The following CFAP54 variants were observed in gnomAD, a reference collection of about 807,000 sequenced individuals.
CFAP54 encodes the protein cilia and flagella associated protein 54.
CFAP54 carries 290 observed loss-of-function variants against 370.4 expected under a neutral mutation model. The ratio of observed to expected loss-of-function variants is 0.78; its 90% confidence interval spans 0.71 to 0.86. The LOEUF is 0.86. CFAP54 is among the 40% of genes least tolerant of loss of function. The probability of loss-of-function intolerance (pLI) is 0.00; values close to 1 mark genes in which losing one functional copy is unlikely to be tolerated. For missense variants in CFAP54, 3,399 were observed against 3,528.7 expected, an observed-to-expected ratio of 0.96 and a Z score of 0.93; for synonymous variants, 1,206 against 1,236.5, an observed-to-expected ratio of 0.98 and a Z score of 0.52.
Position 96,831,656 on chromosome 12 carries a change from A to G in CFAP54, c.9171+2568A>G, listed in dbSNP as rs944070385. Reference sequence around the variant, plus strand: ...CTGAGGAAGTGACATTTGAAGTAAGACCTGAAATATTATACTGTATTTTTC... The same window carrying G: ...CTGAGGAAGTGACATTTGAAGTAAGGCCTGAAATATTATACTGTATTTTTC... On this transcript the variant is annotated intron_variant, in intron 66 of 67. Coordinates refer to ENST00000524981, the MANE Select transcript of CFAP54 (RefSeq NM_001306084.2). 3.9e-5 allele frequency among the ~76,000 whole-genome samples: 6 copies of G among 152,096 alleles called. No individual in the cohort carries two copies. In the South Asian group the frequency reaches 1.0e-3, roughly 26 times the overall value.
chr12:96,815,084 T>C (rs1055916317), intron 64 of CFAP54, among the ~76,000 whole-genome samples: 22 of 152,332 alleles, frequency 1.4e-4, no homozygotes, highest in South Asian at 4.1e-4. Context: ...ATGGGATTGC[T>C]GGGTCAAATG....
At chr12:96,647,430 G>T (rs978517592) in intron 33 of CFAP54, among the ~76,000 whole-genome samples, 1 of 120,014 alleles carries the variant, frequency 8.3e-6, no homozygotes, top group Non-Finnish European at 1.6e-5. Flanking sequence ...CCGATATCGC[G>T]CCACTGCACT....
At chr12:96,869,086 T>A (rs565200904) in intron 67 of CFAP54, among the ~76,000 whole-genome samples, 1 of 152,356 alleles carries the variant, frequency 6.6e-6, no homozygotes, top group Admixed American at 6.5e-5. Context: ...GATTTGTCAT[T>A]TATTTTATTT....
At chr12:96,568,930 T>A (rs971660400) in intron 19 of CFAP54, among the ~76,000 whole-genome samples, 4 of 151,994 alleles carry the variant, frequency 2.6e-5, no homozygotes, top group Non-Finnish European at 4.4e-5. Context: ...ATTATGGGGA[T>A]TCATTTTTCC....
At chr12:96,772,037 A>G (rs750697257) in intron 60 of CFAP54, among the ~76,000 whole-genome samples, 3 of 152,246 alleles carry the variant, frequency 2.0e-5, no homozygotes, top group Non-Finnish European at 4.4e-5. Flanking sequence ...AGCATTAAAG[A>G]TCAGATTACA....
intron 63 of CFAP54, among the ~76,000 whole-genome samples, chr12:96,794,917 T>A (rs1958743461): frequency 1.3e-5 from 2 of 152,316 alleles, no homozygotes; most frequent in African/African-American, 4.8e-5. Context: ...GAGATTCTTT[T>A]GTCCCATGGG....
intron 43 of CFAP54, among the ~76,000 whole-genome samples, chr12:96,690,483 G>A (rs1282595078): frequency 6.6e-6 from 1 of 152,048 alleles, no homozygotes; most frequent in East Asian, 1.9e-4. Context: ...TGTAATGTTG[G>A]TTACATAAAT....
intron 63 of CFAP54, among the ~76,000 whole-genome samples, chr12:96,806,213 T>TAATATATATAA: frequency 2.0e-5 from 1 of 49,698 alleles, no homozygotes; most frequent in South Asian, 1.0e-3. Context: ...TATATATATA[T>TAATATATATAA]AATAACAACA....
intron 8 of CFAP54, among the ~76,000 whole-genome samples, chr12:96,522,873 T>C (rs1332619878): frequency 6.6e-6 from 1 of 152,132 alleles, no homozygotes; most frequent in African/African-American, 2.4e-5. Flanking sequence ...TCTGTTCTTC[T>C]CACATGTCAT....
chr12:96,696,449 C>T (rs1957440835), intron 45 of CFAP54, among the ~76,000 whole-genome samples: 1 of 151,738 alleles, frequency 6.6e-6, no homozygotes, highest in Non-Finnish European at 1.5e-5. Flanking sequence ...TAGAGGGGCA[C>T]CAAAGGACAT....
chr12:96,578,594 T>C (rs1009118930), intron 20 of CFAP54, among the ~76,000 whole-genome samples: 3 of 152,212 alleles, frequency 2.0e-5, no homozygotes, highest in African/African-American at 7.2e-5. Flanking sequence ...TAGGAAGATA[T>C]AAGAGTCTCA....
intron 23 of CFAP54, among the ~76,000 whole-genome samples, chr12:96,591,979 A>G (rs1956130248): frequency 6.6e-6 from 1 of 151,652 alleles, no homozygotes; most frequent in Admixed American, 6.6e-5. Flanking sequence ...ATTGAGATGC[A>G]GTAATGACTC....
chr12:96,732,525 ATATTT>A (rs1160088843), intron 50 of CFAP54, among the ~76,000 whole-genome samples: 3 of 152,198 alleles, frequency 2.0e-5, no homozygotes, highest in Non-Finnish European at 4.4e-5. Flanking sequence ...TTTGCATAAA[ATATTT>A]TATTTATTTT....
intron 36 of CFAP54, among the ~76,000 whole-genome samples, chr12:96,652,257 CATGGAAATAAAATTGAAGT>C (rs2136504781): frequency 6.6e-6 from 1 of 152,196 alleles, no homozygotes; most frequent in East Asian, 1.9e-4. Flanking sequence ...TGGTTTAAAG[CATGGAAATAAAATTGAAGT>C]AATATAAATA....
At chr12:96,674,443 T>A (rs11108634) in intron 39 of CFAP54, among the ~76,000 whole-genome samples, 129 of 147,706 alleles carry the variant, frequency 8.7e-4, no homozygotes, top group African/African-American at 3.1e-3. Context: ...TCCATGGACG[T>A]TTTCAGAGAG....
chr12:96,820,124 C>T (rs1032411938), intron 65 of CFAP54, among the ~76,000 whole-genome samples: 1 of 152,204 alleles, frequency 6.6e-6, no homozygotes, highest in African/African-American at 2.4e-5. Flanking sequence ...GACACAGACT[C>T]TTGCCTCACT....
intron 50 of CFAP54, among the ~76,000 whole-genome samples, chr12:96,730,337 C>A (rs1483280053): frequency 6.6e-6 from 1 of 152,120 alleles, no homozygotes; most frequent in East Asian, 1.9e-4. Flanking sequence ...AAAATAACTC[C>A]CACCAAAGAT....
chr12:96,821,267 A>C (rs1205395476), intron 65 of CFAP54, among the ~76,000 whole-genome samples: 1 of 152,138 alleles, frequency 6.6e-6, no homozygotes, highest in Non-Finnish European at 1.5e-5. Context: ...GTTGACTATA[A>C]ATATAAACAA....
At position 96,837,468 on chromosome 12, in the gene CFAP54, T is replaced by A. The variant is rs1959189819; in HGVS notation, c.9171+8380T>A. Among the ~76,000 whole-genome samples, 4 of 152,322 alleles carry A rather than the reference T, an allele frequency of 2.6e-5. 1 individual carries two copies. In the South Asian group the frequency reaches 8.3e-4, roughly 32 times the overall value. ...CTCCAGCCCATGGTTTATAACTTTG[T>A]ACTTAATAGTTTTTATCAAAATAAA... On this transcript the variant is annotated intron_variant, in intron 66 of 67. Coordinates refer to ENST00000524981, the MANE Select transcript of CFAP54 (RefSeq NM_001306084.2).
Sources: allele counts gnomAD v4.1 joint callset (sites outside exome capture counted in the v4.1 genomes callset), GRCh38; gene constraint gnomAD v4.1.1; transcripts MANE v1.5; gene names NCBI Gene and HGNC (gene_info 2026-07-23, HGNC 2026-07-21).